Variants in NCALD observed in about 807,000 individuals in gnomAD.
NCALD encodes the protein neurocalcin delta.
A neutral mutation model predicts 18.6 loss-of-function variants in NCALD; 10 were observed. The observed-to-expected ratio is 0.54, with a 90% CI of 0.33 to 0.91. The LOEUF (loss-of-function observed/expected upper bound fraction) is 0.91. Ranked by LOEUF, NCALD falls within the 40% of genes least tolerant of loss-of-function variation. The probability of loss-of-function intolerance (pLI) is 0.03; values close to 1 mark genes in which losing one functional copy is unlikely to be tolerated. For missense variants in NCALD, 184 were observed against 247.6 expected (o/e 0.74, Z 1.72); for synonymous variants, 88 against 87.4 (o/e 1.01, Z -0.04).
At chr8:102,058,147 A>G (rs1823719305) in intron 1 of NCALD, among the ~76,000 whole-genome samples, 1 of 152,258 alleles carries the variant, frequency 6.6e-6, no homozygotes, top group African/African-American at 2.4e-5. Flanking sequence ...ATGAGGACAC[A>G]GGTCAAACAA....
In NCALD at chr8:101,954,246, T is replaced by C. The variant is rs16868797; in HGVS notation, c.-156-38388A>G. Among the ~76,000 whole-genome samples the C allele has an allele frequency of 4.7e-3, 714 of 152,258 alleles. 7 individuals carry two copies. Among genetic ancestry groups the C allele is most frequent in the African/African-American group, 0.015 (634 of 41,570 alleles). The stretch of plus-strand genomic sequence containing the variant: ...CTCATGATGGTGACTTGGACATCAG[T>C]AGAATATGACAGGACTTTGTTCAGG... On this transcript the variant is annotated intron_variant, in intron 2 of 6. Transcript: ENST00000311028.
intron 1 of NCALD, among the ~76,000 whole-genome samples, chr8:102,101,839 C>G (rs1341951964): frequency 6.6e-6 from 1 of 152,186 alleles, no homozygotes. Context: ...ACCTCTCACT[C>G]TTACAAATGG....
intron 1 of NCALD, among the ~76,000 whole-genome samples, chr8:102,094,742 G>A (rs116991598): frequency 0.015 from 2,290 of 152,318 alleles, 31 homozygotes; most frequent in Admixed American, 0.022. Flanking sequence ...CTGGATTAGG[G>A]AAGTCTCTCA....
intron 1 of NCALD, among the ~76,000 whole-genome samples, chr8:101,721,573 A>G (rs976561093): frequency 1.3e-5 from 2 of 152,202 alleles, no homozygotes; most frequent in Non-Finnish European, 2.9e-5. Context: ...TATTGAATTT[A>G]GTGAGGCCTG....
intron 2 of NCALD, among the ~76,000 whole-genome samples, chr8:101,966,689 T>C (rs933515042): frequency 1.3e-5 from 2 of 152,146 alleles, no homozygotes; most frequent in Admixed American, 1.3e-4. Flanking sequence ...TCTAGACCTT[T>C]TTGACATAGG....
At chr8:101,972,093 G>A (rs968367618) in intron 2 of NCALD, among the ~76,000 whole-genome samples, 1 of 152,126 alleles carries the variant, frequency 6.6e-6, no homozygotes, top group African/African-American at 2.4e-5. Flanking sequence ...AGGAGGAGGA[G>A]GATGTTGATG....
intron 1 of NCALD, among the ~76,000 whole-genome samples, chr8:101,721,717 T>C (rs1816365163): frequency 6.6e-6 from 1 of 152,154 alleles, no homozygotes; most frequent in Non-Finnish European, 1.5e-5. Context: ...ATTGATTTTG[T>C]TTTCTGACTT....
Position 101,977,393 on chromosome 8 carries a change from G to A in NCALD, c.-157+42844C>T, listed in dbSNP as rs935754424. On this transcript the variant is annotated intron_variant, in intron 2 of 6. Transcript: ENST00000311028. ...AAGTTAAAAGTATTCTAAGAGAATT[G>A]GGAGATTTTTTTCCATCCCTTAGGA... Among the ~76,000 whole-genome samples the A allele has an allele frequency of 7.9e-5, 12 of 152,226 alleles. No individual in the cohort carries two copies. The East Asian group carries it at 2.3e-3, about 29-fold the overall frequency.
chr8:101,801,643 C>CTTTTTCTTT lies in NCALD; in HGVS notation c.-19-81996_-19-81995insAAAGAAAAA, dbSNP rs1563783000. Among the ~76,000 whole-genome samples, 11 of 44,140 alleles carry CTTTTTCTTT rather than the reference C, an allele frequency of 2.5e-4. 1 individual carries two copies. The highest frequency in any genetic ancestry group is 1.0e-3 in the Admixed American group (3 of 2,894). The allele number at this position is 44,140 out of a possible 152,430, so 29.0% of individuals were successfully genotyped here. A position where few individuals can be genotyped will look rare whatever the true frequency, so the allele number is the denominator to read the frequency against. On this transcript the variant is annotated intron_variant, in intron 4 of 6. Coordinates refer to the NCALD transcript ENST00000311028. ...TCTCTATGATTTACAAGCACACTTA[C>CTTTTTCTTT]TTTTTTTTTTTTTTTTTTTTTTTTT...
intron 2 of NCALD, among the ~76,000 whole-genome samples, chr8:101,939,752 AAG>A (rs544464481): frequency 7.4e-4 from 113 of 152,372 alleles, no homozygotes; most frequent in African/African-American, 2.6e-3. Flanking sequence ...AAACCTGGCT[AAG>A]AGAAATGAGC....
At chr8:101,887,302 A>ATTTT (rs1816711209) in intron 3 of NCALD, 1 of 152,208 alleles carries the variant, frequency 6.6e-6, no homozygotes, top group East Asian at 1.9e-4. Context: ...TGAGACTGTC[A>ATTTT]CTTTTATTTC....
At chr8:101,911,363 T>C (rs1817792924) in intron 3 of NCALD, among the ~76,000 whole-genome samples, 3 of 135,676 alleles carry the variant, frequency 2.2e-5, no homozygotes. Context: ...TTTCTTTTCT[T>C]TTTTTTTTTT....
Position 101,712,403 on chromosome 8 carries a change from T to G in NCALD, c.378+6849A>C, listed in dbSNP as rs544999123. Reference sequence around the variant, plus strand: ...ATAATGACAGGATCAAATTCACATATAACAATAATAATCTTAAATTGTAAA... The same window carrying G: ...ATAATGACAGGATCAAATTCACATAGAACAATAATAATCTTAAATTGTAAA... On this transcript the variant is annotated intron_variant, in intron 2 of 3. Transcript: ENST00000220931. Among the ~76,000 whole-genome samples, 20 of 152,154 alleles carry G rather than the reference T, an allele frequency of 1.3e-4. No individual in the cohort carries two copies. The South Asian group carries it at 4.2e-3, about 32-fold the overall frequency.
At chr8:101,918,570 T>G (rs928676283) in intron 2 of NCALD, among the ~76,000 whole-genome samples, 1 of 152,166 alleles carries the variant, frequency 6.6e-6, no homozygotes, top group Non-Finnish European at 1.5e-5. Context: ...GAGAATATGA[T>G]TCTATACCTA....
intron 1 of NCALD, among the ~76,000 whole-genome samples, chr8:102,083,555 G>A (rs1824628836): frequency 6.6e-6 from 1 of 152,098 alleles, no homozygotes; most frequent in African/African-American, 2.4e-5. Flanking sequence ...TAACATGTAT[G>A]TATTATCAAA....
At chr8:102,121,386 A>G (rs1432362422) in intron 1 of NCALD, among the ~76,000 whole-genome samples, 1 of 152,132 alleles carries the variant, frequency 6.6e-6, no homozygotes, top group Non-Finnish European at 1.5e-5. Flanking sequence ...CAGGAGTTGG[A>G]GAGCTTGGAG....
chr8:101,994,221 G>A (rs1044008000), intron 2 of NCALD, among the ~76,000 whole-genome samples: 1 of 152,138 alleles, frequency 6.6e-6, no homozygotes, highest in East Asian at 1.9e-4. Flanking sequence ...CAGAGCCAAG[G>A]GAGGTATTGG....
chr8:101,690,534 T>C (rs1814679263), intron 3 of NCALD: 1 of 985,278 alleles, frequency 1.0e-6, no homozygotes. Flanking sequence ...TCTGTCCTCT[T>C]TTATTTCTCA....
At chr8:102,023,176 A>AG (rs1432064629) in intron 1 of NCALD, among the ~76,000 whole-genome samples, 33 of 152,348 alleles carry the variant, frequency 2.2e-4, no homozygotes, top group African/African-American at 7.5e-4. Context: ...GACGCTGACC[A>AG]CAGTTTCTAG....
Sources: allele counts gnomAD v4.1 joint callset (sites outside exome capture counted in the v4.1 genomes callset), GRCh38; gene constraint gnomAD v4.1.1; transcripts MANE v1.5; gene names NCBI Gene and HGNC (gene_info 2026-07-23, HGNC 2026-07-21).